The following PRG3 variants were observed in gnomAD, a reference collection of about 807,000 sequenced individuals.
PRG3 encodes the protein proteoglycan 3.
A neutral mutation model predicts 26.1 loss-of-function variants in PRG3; 25 were observed. The observed-to-expected ratio is 0.96, with a 90% CI of 0.70 to 1.34. The LOEUF (loss-of-function observed/expected upper bound fraction) is 1.34, where lower values mean the gene tolerates loss of function less well. PRG3 is among the 40% of genes most tolerant of loss of function. The pLI, the probability that PRG3 is intolerant of heterozygous loss-of-function variation, is 0.00. For synonymous variants in PRG3, 111 were observed against 100.4 expected (o/e 1.11, Z -0.63); for missense variants, 280 against 264.8 (o/e 1.06, Z -0.40).
intron 4 of PRG3, 58 bp downstream of exon 4, chr11:57,378,623 G>A: frequency 6.3e-7 from 1 of 1,587,792 alleles, no homozygotes; most frequent in Non-Finnish European, 8.6e-7. Flanking sequence ...ACCATCAGAT[G>A]CTACTTTAAC....
intron 5 of PRG3, 61 bp downstream of exon 5, chr11:57,377,664 G>A (rs1007728408): frequency 2.3e-5 from 32 of 1,376,186 alleles, no homozygotes; most frequent in Non-Finnish European, 3.0e-5. Flanking sequence ...AGCTCAAAGG[G>A]GTAGTATTAA....
chr11:57,377,880 C>G, intron 4 of PRG3, 44 bp from the exon 5 acceptor site: 1 of 1,528,636 alleles, frequency 6.5e-7, no homozygotes, highest in Non-Finnish European at 9.0e-7. Flanking sequence ...AGTTCAGATC[C>G]AGGACCTCAT....
At chr11:57,378,906 A>G (rs1366571735) in intron 3 of PRG3, 94 bp from the exon 4 acceptor site, 3 of 1,470,656 alleles carry the variant, frequency 2.0e-6, no homozygotes, top group Non-Finnish European at 2.8e-6. Context: ...CAGGTTAAAA[A>G]TAAACCTACT....
At chr11:57,379,063 C>T (rs1285542340) in intron 3 of PRG3, among the ~76,000 whole-genome samples, 1 of 152,196 alleles carries the variant, frequency 6.6e-6, no homozygotes, top group Non-Finnish European at 1.5e-5. Context: ...CATGTATTAT[C>T]TCATTTAATG....
chr11:57,380,456 A>G (rs996951455), intron 2 of PRG3, among the ~76,000 whole-genome samples, 192 bp downstream of exon 2: 186 of 151,964 alleles, frequency 1.2e-3, no homozygotes, highest in African/African-American at 4.3e-3. Context: ...ACAAAAAAAA[A>G]TCAAACAAAA....
intron 3 of PRG3, among the ~76,000 whole-genome samples, 179 bp from the exon 4 acceptor site, chr11:57,378,991 A>G (rs1212895808): frequency 1.3e-5 from 2 of 152,236 alleles, no homozygotes; most frequent in East Asian, 3.8e-4. Context: ...AATACTCATA[A>G]TAATTATAAC....
intron 4 of PRG3, 36 bp from the exon 5 acceptor site, chr11:57,377,872 T>G: frequency 6.4e-7 from 1 of 1,564,584 alleles, no homozygotes; most frequent in Non-Finnish European, 8.8e-7. Context: ...AGGGCAGAAG[T>G]TCAGATCCAG....
intron 5 of PRG3, among the ~76,000 whole-genome samples, chr11:57,377,329 C>G (rs1856954269): frequency 6.6e-6 from 1 of 152,196 alleles, no homozygotes; most frequent in Non-Finnish European, 1.5e-5. Flanking sequence ...GGCACCCATG[C>G]TGCTGCCCAT....
At position 57,378,722 on chromosome 11, in the gene PRG3, T is replaced by G. The variant is rs1313202655; in HGVS notation, c.466A>C (p.Asn156His). ...YRIQCCTSTV[N>H]QAQVWIGGNL... is the part of the protein sequence containing the mutation. ...CCTCCAATCCAGACCTGGGCTTGGT[T>G]GACTGTGCTAGTGCAGCACTGAATG... Residue 156 changes from asparagine (N) to histidine (H), a missense_variant, in exon 4 of 6, where the codon AAC becomes CAC. Asn to His is a moderately conservative substitution (Grantham distance 68, BLOSUM62 1). Transcript: ENST00000287143. 6.2e-7 allele frequency: 1 copy of G among 1,613,746 alleles called. No homozygotes were observed. Among genetic ancestry groups the G allele is most frequent in the African/African-American group, 1.3e-5 (1 of 75,046 alleles).
intron 2 of PRG3, 22 bp from the exon 3 acceptor site, chr11:57,379,829 C>A: frequency 3.8e-6 from 6 of 1,584,104 alleles, no homozygotes; most frequent in Non-Finnish European, 5.1e-6. Flanking sequence ...AGGTAACCTG[C>A]CATCAGGTCA....
chr11:57,379,418 A>T, intron 3 of PRG3, 76 bp downstream of exon 3: 1 of 1,396,824 alleles, frequency 7.2e-7, no homozygotes, highest in Non-Finnish European at 9.7e-7. Context: ...CCACTAGCCT[A>T]AATGAATAGG....
chr11:57,377,651 G>A, intron 5 of PRG3, 74 bp downstream of exon 5: 2 of 1,262,696 alleles, frequency 1.6e-6, no homozygotes. Context: ...GGTGTGTTCA[G>A]GCAGCTCAAA....
At position 57,379,673 on chromosome 11, in the gene PRG3, C is replaced by A. The variant is rs766777813; in HGVS notation, c.196G>T (p.Ala66Ser). Residue 66 changes from alanine to serine, a missense_variant, in exon 3 of 6, where the codon GCT (alanine) becomes TCT (serine). Coordinates refer to ENST00000287143, the MANE Select transcript of PRG3 (RefSeq NM_006093.4). ...VIQAEGEEVK[A>S]SACQDNFEDE... ...TCAAAGTTGTCTTGACAGGCAGAAG[C>A]CTTGACCTCCTCTCCCTCTGCCTGA... 4.2e-5 allele frequency: 68 copies of A among 1,613,832 alleles called. No individual in the cohort carries two copies. Among genetic ancestry groups the A allele is most frequent in the Non-Finnish European group, 2.7e-5 (32 of 1,180,038 alleles).
rs756354483 is a variant in PRG3 at position 57,378,703 on chromosome 11, A to G, written c.485T>C (p.Ile162Thr). Reference protein sequence around the residue: ...TSTVNQAQVWIGGNLRGWFLW... With the variant: ...TSTVNQAQVWTGGNLRGWFLW... ...TACCCAGCCCCTGAGGTTGCCTCCA[A>G]TCCAGACCTGGGCTTGGTTGACTGT... The change falls in exon 4 of 6, where the codon ATT becomes ACT. Residue 162 changes from isoleucine (I) to threonine (T), a missense_variant. Coordinates refer to ENST00000287143, the MANE Select transcript of PRG3 (RefSeq NM_006093.4). The G allele has an allele frequency of 1.9e-6, 3 of 1,613,722 alleles. No individual in the cohort carries two copies. Among genetic ancestry groups the G allele is most frequent in the Admixed American group, 1.7e-5 (1 of 60,018 alleles).
chr11:57,377,718 C>T lies in PRG3; in HGVS notation c.619+7G>A. 6.2e-7 allele frequency: 1 copy of T among 1,607,394 alleles called. No individual in the cohort carries two copies. Among genetic ancestry groups the T allele is most frequent in the Non-Finnish European group, 8.5e-7 (1 of 1,175,098 alleles). On this transcript the variant is annotated splice_region_variant and intron_variant, in intron 5 of 5. Coordinates refer to ENST00000287143, the MANE Select transcript of PRG3 (RefSeq NM_006093.4). ...CTTCTCCCTGCCCTGGTGCCCTTCC[C>T]CCTCACCTTTGGTGCATAGGGCCAC...
At chr11:57,379,056 G>A (rs568337522) in intron 3 of PRG3, among the ~76,000 whole-genome samples, 61 of 152,280 alleles carry the variant, frequency 4.0e-4, no homozygotes, top group Non-Finnish European at 5.9e-4. Context: ...CACTTTTCAT[G>A]TATTATCTCA....
At chr11:57,379,852 T>TTCCAGCACCGTGGACAGC in intron 2 of PRG3, 45 bp from the exon 3 acceptor site, 1 of 1,533,024 alleles carries the variant, frequency 6.5e-7, no homozygotes, top group South Asian at 1.3e-5. Flanking sequence ...AGCTTCCTAG[T>TTCCAGCACCGTGGACAGC]TCCAGCACCG....
rs538584062 is a variant in PRG3 at position 57,379,794 on chromosome 11, G to T, written c.75C>A (p.Pro25=). 6.2e-7 allele frequency: 1 copy of T among 1,607,354 alleles called. No individual in the cohort carries two copies. Among genetic ancestry groups the T allele is most frequent in the Admixed American group, 1.7e-5 (1 of 59,452 alleles). The change falls in exon 3 of 6, where the codon CCC becomes CCA. Residue 25 remains proline, a synonymous_variant. Transcript: ENST00000287143. ...VSALHLENDA[P]HLESLETQAD... ...CCTGTGTCTCTAGGCTCTCCAGATG[G>T]GGGGCATCATTCTCTGGGAAGAAGA...
At chr11:57,380,088 G>C (rs1385545701) in intron 2 of PRG3, among the ~76,000 whole-genome samples, 1 of 152,194 alleles carries the variant, frequency 6.6e-6, no homozygotes, top group African/African-American at 2.4e-5. Context: ...ACAGGTGGGT[G>C]GTTTTTCCTT....
Sources: gnomAD v4.1 joint callset for allele counts (sites outside exome capture counted in the v4.1 genomes callset) on GRCh38, gnomAD v4.1.1 for gene constraint, MANE v1.5 for transcripts, NCBI Gene and HGNC (gene_info 2026-07-23, HGNC 2026-07-21) for gene names.